The following ZBTB46 variants were observed in gnomAD, a reference collection of about 807,000 sequenced individuals.
ZBTB46 encodes the protein zinc finger and BTB domain containing 46.
A neutral mutation model predicts 44.1 loss-of-function variants in ZBTB46; 8 were observed. That is an observed-to-expected ratio of 0.18 (90% CI 0.11 to 0.33). The LOEUF (loss-of-function observed/expected upper bound fraction) is 0.33, where lower values mean the gene tolerates loss of function less well. ZBTB46 is among the 10% of genes least tolerant of loss of function. The probability of loss-of-function intolerance (pLI) is 1.00; values close to 1 mark genes in which losing one functional copy is unlikely to be tolerated. For missense variants in ZBTB46, 651 were observed against 847.7 expected, an observed-to-expected ratio of 0.77 and a Z score of 2.88; for synonymous variants, 409 against 382.3, an observed-to-expected ratio of 1.07 and a Z score of -0.81.
chr20:63,765,396 G>T (rs2092312956), intron 3 of ZBTB46, among the ~76,000 whole-genome samples: 1 of 152,178 alleles, frequency 6.6e-6, no homozygotes, highest in Non-Finnish European at 1.5e-5. Flanking sequence ...TGTCCCACCT[G>T]CACTGGCCCC....
At chr20:63,754,757 A>G (rs1372799030) in intron 3 of ZBTB46, among the ~76,000 whole-genome samples, 2 of 151,566 alleles carry the variant, frequency 1.3e-5, no homozygotes, top group African/African-American at 2.4e-5. Context: ...CCGCCACCAC[A>G]CCCAGCTAAT....
intron 1 of ZBTB46, among the ~76,000 whole-genome samples, chr20:63,819,149 G>C (rs6011153): frequency 0.095 from 14,409 of 152,216 alleles, 1,073 homozygotes; most frequent in African/African-American, 0.21. Flanking sequence ...CTCCAGCCTG[G>C]GCGACAGAGT....
chr20:63,751,721 G>GAAGCCCCGCCCCCCGGTGGGTCTCCC (rs2092166106), intron 4 of ZBTB46, among the ~76,000 whole-genome samples: 1 of 40,390 alleles, frequency 2.5e-5, no homozygotes, highest in African/African-American at 1.8e-4. Context: ...CCGGTGGGTC[G>GAAGCCCCGCCCCCCGGTGGGTCTCCC]CACCATGAAG....
intron 1 of ZBTB46, among the ~76,000 whole-genome samples, chr20:63,827,261 A>G (rs2092824259): frequency 6.6e-6 from 1 of 152,274 alleles, no homozygotes; most frequent in Non-Finnish European, 1.5e-5. Flanking sequence ...AAGAGCTGTC[A>G]TGAATAGGAA....
rs1335487426 is a variant in ZBTB46 at position 63,787,869 on chromosome 20, G to A, written c.937+1952C>T. On this transcript the variant is annotated intron_variant, in intron 2 of 4. Transcript: ENST00000245663. This position sits in a 1 kb window ranked among gnomAD's most constrained non-coding sequence, Gnocchi z 4.6. ...GCAGATCTCTCAGCGACGGAGAGGA[G>A]GGACCAGGGTCAGGAGAAGAGGCCA... The A allele has an allele frequency of 6.6e-6, 1 of 152,262 alleles. No individual in the cohort carries two copies. Among genetic ancestry groups the A allele is most frequent in the South Asian group, 2.1e-4 (1 of 4,830 alleles). The allele number at this position is 152,262 out of a possible 1,614,324, so 9.4% of individuals were successfully genotyped here.
chr20:63,752,785 G>A lies in ZBTB46; in HGVS notation c.1299C>T (p.Leu433=), dbSNP rs1269867726. The change falls in exon 4 of 5, where the codon CTC becomes CTT. Residue 433 remains leucine, a synonymous_variant. Coordinates refer to ENST00000245663, the MANE Select transcript of ZBTB46 (RefSeq NM_001369741.1). The surrounding 1 kb of genome is among the most constrained non-coding windows in gnomAD (Gnocchi z 5.6). The part of the protein sequence containing the change: ...CSFSAMHQCI[L]KRHMRSHTGE... The stretch of plus-strand genomic sequence containing the variant: ...CCGTGTGCGAGCGCATGTGTCGCTT[G>A]AGGATGCACTGGTGCATGGCCGAGA... 1.9e-6 allele frequency: 3 copies of A among 1,613,030 alleles called. No homozygotes were observed. The highest frequency in any genetic ancestry group is 2.5e-6 in the Non-Finnish European group (3 of 1,179,588).
At chr20:63,755,835 TA>T (rs1047146788) in intron 3 of ZBTB46, among the ~76,000 whole-genome samples, 1 of 152,094 alleles carries the variant, frequency 6.6e-6, no homozygotes, top group Non-Finnish European at 1.5e-5. Context: ...AGGAATTAAA[TA>T]AAAAAGCATA....
At chr20:63,753,795 T>G (rs376874307) in intron 3 of ZBTB46, among the ~76,000 whole-genome samples, 20 of 152,370 alleles carry the variant, frequency 1.3e-4, no homozygotes, top group African/African-American at 4.8e-4. Flanking sequence ...ACATCATAAT[T>G]AATTAAACAG....
intron 2 of ZBTB46, among the ~76,000 whole-genome samples, chr20:63,782,013 G>A (rs1273560716): frequency 6.6e-6 from 1 of 150,498 alleles, no homozygotes; most frequent in African/African-American, 2.4e-5. Context: ...CATGAACCGG[G>A]GAGGCGGAGC....
rs1601379733 is a variant in ZBTB46 at position 63,747,279 on chromosome 20, T to C, written c.1421A>G (p.Tyr474Cys). The part of the protein sequence containing the change: ...HTLVHSKDKK[Y>C]VCKVCSRVFM... ...GACGCGGCTGCACACCTTGCACACA[T>C]ACTTCTTGTCCTTGCTGTGGACCTG... The change falls in exon 5 of 5, where the codon TAT becomes TGT. Residue 474 changes from tyrosine (Y) to cysteine (C), a missense_variant. Transcript: ENST00000245663. The C allele has an allele frequency of 7.0e-7, 1 of 1,429,812 alleles. No individual in the cohort carries two copies. The highest frequency in any genetic ancestry group is 9.2e-7 in the Non-Finnish European group (1 of 1,084,092). The allele number at this position is 1,429,812 out of a possible 1,614,324, so 88.6% of individuals were successfully genotyped here.
chr20:63,803,586 T>TG lies in ZBTB46; in HGVS notation c.-33-12797dup. 1 of 948,544 alleles carries TG rather than the reference T, an allele frequency of 1.1e-6. No individual in the cohort carries two copies. The highest frequency in any genetic ancestry group is 1.3e-6 in the Non-Finnish European group (1 of 796,596). 58.8% of individuals were successfully genotyped at this position (948,544 alleles called of 1,614,324 possible). A position where few individuals can be genotyped will look rare whatever the true frequency, so the allele number is the denominator to read the frequency against. ...CCAGGCCCCGGGCTGCCCAGGTCTC[T>TG]GTCGGAGGCCCTGCCAGCCCCGCCC... On this transcript the variant is annotated intron_variant, in intron 1 of 4. Transcript: ENST00000245663. This position sits in a 1 kb window ranked among gnomAD's most constrained non-coding sequence, Gnocchi z 4.0.
intron 1 of ZBTB46, among the ~76,000 whole-genome samples, chr20:63,795,027 G>A (rs2092590105): frequency 6.6e-6 from 1 of 152,184 alleles, no homozygotes; most frequent in African/African-American, 2.4e-5. Context: ...TGGGTGCTGC[G>A]GGCTGCAGGG....
chr20:63,825,346 A>C (rs908102812), intron 1 of ZBTB46, among the ~76,000 whole-genome samples: 1 of 147,866 alleles, frequency 6.8e-6, no homozygotes, highest in Non-Finnish European at 1.5e-5. Flanking sequence ...GGTTGTAATG[A>C]GCCGAGATCT....
chr20:63,747,143 G>A lies in ZBTB46; in HGVS notation c.1557C>T (p.Gly519=), dbSNP rs77894002. 1.5e-4 allele frequency: 234 copies of A among 1,609,508 alleles called. No homozygotes were observed. In the East Asian group the frequency reaches 4.7e-3, roughly 32 times the overall value. The part of the protein sequence containing the change: ...MAGPLDHGGG[G]GEGSPEALFP... ...ACAGCGCCTCTGGAGAGCCCTCGCC[G>A]CCTCCGCCGCCATGGTCCAGGGGCC... Residue 519 remains glycine, a synonymous_variant, in exon 5 of 5, where the codon GGC becomes GGT. Coordinates refer to ENST00000245663, the MANE Select transcript of ZBTB46 (RefSeq NM_001369741.1).
At chr20:63,757,924 C>CAT (rs1317027762) in intron 3 of ZBTB46, among the ~76,000 whole-genome samples, 10 of 120,706 alleles carry the variant, frequency 8.3e-5, no homozygotes, top group East Asian at 2.7e-4. Flanking sequence ...TCCACCCGCC[C>CAT]CGTCCAGAGC....
chr20:63,797,326 A>G (rs1601492323), intron 1 of ZBTB46, among the ~76,000 whole-genome samples: 1 of 152,282 alleles, frequency 6.6e-6, no homozygotes, highest in South Asian at 2.1e-4. Context: ...TACAAAGGAC[A>G]TGAACGCATC....
chr20:63,831,505 C>T (rs930590424), upstream of ZBTB46, among the ~76,000 whole-genome samples: 1 of 147,012 alleles, frequency 6.8e-6, no homozygotes, highest in Admixed American at 6.7e-5. Flanking sequence ...GTCCGTTCTC[C>T]CCCCCGCGGG....
intron 1 of ZBTB46, among the ~76,000 whole-genome samples, chr20:63,805,608 A>C (rs1044396854): frequency 6.6e-6 from 1 of 152,192 alleles, no homozygotes; most frequent in African/African-American, 2.4e-5. Flanking sequence ...GAGTCTCCAG[A>C]GGGAGCATGG....
At chr20:63,798,538 G>A (rs550746027) in intron 1 of ZBTB46, among the ~76,000 whole-genome samples, 1 of 151,932 alleles carries the variant, frequency 6.6e-6, no homozygotes, top group Admixed American at 6.6e-5. Flanking sequence ...AGCCGGGCAT[G>A]GTGGCACATG....
Sources: gnomAD v4.1 joint callset for allele counts (sites outside exome capture counted in the v4.1 genomes callset) on GRCh38, gnomAD v4.1.1 for gene constraint, Gnocchi (gnomAD v3.1) non-coding constraint, MANE v1.5 for transcripts, NCBI Gene and HGNC (gene_info 2026-07-23, HGNC 2026-07-21) for gene names.